PLD1: variants seen among roughly 807,000 people sequenced by gnomAD.
The protein encoded by PLD1 is phospholipase D1, also known as choline phosphatase 1.
PLD1 carries 112 observed loss-of-function variants against 137.1 expected under a neutral mutation model. The observed-to-expected ratio is 0.82, with a 90% CI of 0.70 to 0.96. The LOEUF (loss-of-function observed/expected upper bound fraction) is 0.96, where lower values mean the gene tolerates loss of function less well. Among genes scored for constraint, PLD1 ranks in the 40% least tolerant of loss-of-function variants. The pLI is 0.00. For missense variants in PLD1, 1,321 were observed against 1,342.0 expected (o/e 0.98, Z 0.24); for synonymous variants, 431 against 454.7 (o/e 0.95, Z 0.66).
At chr3:171,771,477 GAAAT>G (rs1722347562) in intron 1 of PLD1, 1 of 152,206 alleles carries the variant, frequency 6.6e-6, no homozygotes, top group African/African-American at 2.4e-5. Flanking sequence ...ACTGCTGTGA[GAAAT>G]AAAACCCACA....
At chr3:171,662,466 A>G (rs1173078580) in intron 19 of PLD1, among the ~76,000 whole-genome samples, 1 of 152,082 alleles carries the variant, frequency 6.6e-6, no homozygotes, top group African/African-American at 2.4e-5. Context: ...GAAACCACAA[A>G]TTGTGGTTTC....
intron 2 of PLD1, 55 bp downstream of exon 2, chr3:171,737,836 CT>C (rs1252802777): frequency 1.3e-6 from 2 of 1,558,286 alleles, no homozygotes; most frequent in African/African-American, 1.4e-5. Flanking sequence ...AATTTGTGGT[CT>C]TCCGACCAAC....
At position 171,612,231 on chromosome 3, in the gene PLD1, A is replaced by C. The variant is rs755844691; in HGVS notation, c.2882+48T>G. ...GGGCTAGCGGGGCTGGGTCCCAGCG[A>C]CTGCTGCAGTGGAAATGCATCAGAG... On this transcript the variant is annotated intron_variant, in intron 25 of 26. Transcript: ENST00000351298. This position sits in a 1 kb window ranked among gnomAD's most constrained non-coding sequence, Gnocchi z 4.1. 2 of 1,583,190 alleles carry C rather than the reference A, an allele frequency of 1.3e-6. No homozygotes were observed. Among genetic ancestry groups the C allele is most frequent in the African/African-American group, 2.7e-5 (2 of 74,462 alleles).
Position 171,645,002 on chromosome 3 carries a change from T to C in PLD1, c.2451A>G (p.Val817=), listed in dbSNP as rs759790468. 16 of 1,612,878 alleles carry C rather than the reference T, an allele frequency of 9.9e-6. No homozygotes were observed. Among genetic ancestry groups the C allele is most frequent in the African/African-American group, 2.7e-5 (2 of 74,902 alleles). The change falls in exon 22 of 27, where the codon GTA becomes GTG. Residue 817 remains valine, a synonymous_variant. Transcript: ENST00000351298. ...CTGGCAGAAGTGGTATCACGACATA[T>C]ACCCGGTATTTCTGGTTTTCCCTGC... ...KAHRENQKYR[V]YVVIPLLPGF...
At chr3:171,713,742 G>C (rs1234957158) in intron 9 of PLD1, 151 bp downstream of exon 9, 1 of 639,696 alleles carries the variant, frequency 1.6e-6, no homozygotes, top group Non-Finnish European at 2.7e-6. Flanking sequence ...TATATACAAG[G>C]AAAAAAGTGG....
intron 1 of PLD1, among the ~76,000 whole-genome samples, chr3:171,742,494 A>G (rs1560269410): frequency 6.6e-6 from 1 of 151,896 alleles, no homozygotes; most frequent in Non-Finnish European, 1.5e-5. Context: ...GCAAAAATTC[A>G]TTTTTTTCTA....
chr3:171,622,174 A>G (rs1157237032), intron 23 of PLD1, among the ~76,000 whole-genome samples: 1 of 152,224 alleles, frequency 6.6e-6, no homozygotes, highest in Non-Finnish European at 1.5e-5. Flanking sequence ...GACCTTTGCT[A>G]AAGTAAATAT....
chr3:171,669,884 C>T (rs923661281), intron 19 of PLD1, among the ~76,000 whole-genome samples: 7 of 152,102 alleles, frequency 4.6e-5, no homozygotes, highest in African/African-American at 1.7e-4. Context: ...GTAATTTTCC[C>T]GAGGTTACAC....
chr3:171,741,567 T>G (rs2108272350), intron 1 of PLD1, among the ~76,000 whole-genome samples: 1 of 152,350 alleles, frequency 6.6e-6, no homozygotes, highest in African/African-American at 2.4e-5. Context: ...TACCTCCTTA[T>G]AAAATTATAC....
At chr3:171,605,933 T>C (rs6791758) in intron 25 of PLD1, among the ~76,000 whole-genome samples, 77,204 of 152,134 alleles carry the variant, frequency 0.51, 20,570 homozygotes, top group African/African-American at 0.68. Flanking sequence ...AAGGCTTTGG[T>C]TTTTATATTA....
At chr3:171,603,626 T>C (rs1437646759) in intron 26 of PLD1, among the ~76,000 whole-genome samples, 4 of 152,232 alleles carry the variant, frequency 2.6e-5, no homozygotes, top group Non-Finnish European at 4.4e-5. Context: ...CTAAGAGGAA[T>C]ATTGCATATT....
chr3:171,659,134 A>C, intron 21 of PLD1, 79 bp downstream of exon 21: 1 of 962,966 alleles, frequency 1.0e-6, no homozygotes, highest in East Asian at 2.4e-5. Flanking sequence ...ACAGTACTTT[A>C]AAAATGGGCT....
In PLD1 at chr3:171,665,705, G is replaced by GAA. The variant is rs56307995; in HGVS notation, c.2230-3537_2230-3536dup. Among the ~76,000 whole-genome samples, 111 of 130,658 alleles carry GAA rather than the reference G, an allele frequency of 8.5e-4. 1 individual carries two copies. Among genetic ancestry groups the GAA allele is most frequent in the African/African-American group, 2.7e-3 (97 of 36,510 alleles). The allele number at this position is 130,658 out of a possible 152,430, so 85.7% of individuals were successfully genotyped here. A position where few individuals can be genotyped will look rare whatever the true frequency, so the allele number is the denominator to read the frequency against. On this transcript the variant is annotated intron_variant, in intron 19 of 26. Coordinates refer to ENST00000351298, the MANE Select transcript of PLD1 (RefSeq NM_002662.5). ...CCAATAGTGAAACTGCGTCTCAAAA[G>GAA]AAAAAAAAAAAAGACCATTTTATAT... is the stretch of plus-strand genomic sequence containing the variant.
In PLD1 at chr3:171,605,350, G is replaced by A. The variant is rs1383321330; in HGVS notation, c.2949C>T (p.Phe983=). 1.2e-6 allele frequency: 2 copies of A among 1,613,848 alleles called. No homozygotes were observed. Among genetic ancestry groups the A allele is most frequent in the South Asian group, 2.2e-5 (2 of 91,078 alleles). ...DIQDPVSDKF[F]KEVWVSTAAR... ...CTGCTGTTGAAACCCACACCTCCTTGAAGAATTTGTCACTCACTGGATCCT... is the reference window on the plus strand; with the variant it reads ...CTGCTGTTGAAACCCACACCTCCTTAAAGAATTTGTCACTCACTGGATCCT... Residue 983 remains phenylalanine, a synonymous_variant, in exon 26 of 27, where the codon TTC becomes TTT. Transcript: ENST00000351298.
intron 23 of PLD1, among the ~76,000 whole-genome samples, chr3:171,626,839 G>A (rs1282684042): frequency 6.6e-6 from 1 of 152,170 alleles, no homozygotes; most frequent in Non-Finnish European, 1.5e-5. Flanking sequence ...CCCTAAAAGA[G>A]CTCCTGAAGG....
chr3:171,655,430 T>C (rs1011438453), intron 21 of PLD1, among the ~76,000 whole-genome samples: 2 of 152,190 alleles, frequency 1.3e-5, no homozygotes, highest in African/African-American at 4.8e-5. Flanking sequence ...GGTGAGATTA[T>C]AGTTCACTGC....
At chr3:171,692,210 T>C in intron 13 of PLD1, 122 bp downstream of exon 13, 1 of 578,774 alleles carries the variant, frequency 1.7e-6, no homozygotes, top group Non-Finnish European at 3.1e-6. Flanking sequence ...GAGGACACAA[T>C]GCTATTTGAT....
At chr3:171,698,039 G>C (rs937716768) in intron 12 of PLD1, among the ~76,000 whole-genome samples, 2 of 152,166 alleles carry the variant, frequency 1.3e-5, no homozygotes, top group African/African-American at 4.8e-5. Context: ...GCTACGCAAG[G>C]CTGGAAAAAT....
At chr3:171,686,635 C>G (rs776738550) in intron 16 of PLD1, 50 bp downstream of exon 16, 1 of 987,528 alleles carries the variant, frequency 1.0e-6, no homozygotes, top group East Asian at 2.4e-5. Flanking sequence ...GCAGACAACA[C>G]AACCAAAGCT....
Sources: allele counts gnomAD v4.1 joint callset (sites outside exome capture counted in the v4.1 genomes callset), GRCh38; gene constraint gnomAD v4.1.1; non-coding constraint Gnocchi (gnomAD v3.1); transcripts MANE v1.5; gene names NCBI Gene and HGNC (gene_info 2026-07-23, HGNC 2026-07-21).